HOMER1: variants seen among roughly 807,000 people sequenced by gnomAD.
HOMER1 encodes the protein homer scaffold protein 1, also known as homer protein homolog 1.
Under a neutral mutation model 48.9 loss-of-function variants are expected in HOMER1, and 3 were observed. The observed-to-expected ratio is 0.06, with a 90% CI of 0.03 to 0.16. The LOEUF (loss-of-function observed/expected upper bound fraction) is 0.16, where lower values mean the gene tolerates loss of function less well. HOMER1 is among the 10% of genes least tolerant of loss of function. The pLI, the probability that HOMER1 is intolerant of heterozygous loss-of-function variation, is 1.00. For missense variants in HOMER1, 247 were observed against 411.4 expected (o/e 0.60, Z 3.46); for synonymous variants, 134 against 146.4 (o/e 0.92, Z 0.61).
intron 1 of HOMER1, among the ~76,000 whole-genome samples, chr5:79,490,773 AAAAAAAAC>A (rs956398143): frequency 8.2e-5 from 12 of 146,274 alleles, no homozygotes; most frequent in African/African-American, 3.1e-4. Flanking sequence ...CTCTACCAAA[AAAAAAAAC>A]AAAAAAAAAA....
chr5:79,497,665 A>G (rs80105447), intron 1 of HOMER1, among the ~76,000 whole-genome samples: 2 of 147,602 alleles, frequency 1.4e-5, no homozygotes, highest in Admixed American at 1.3e-4. Flanking sequence ...TCTCAAAGAA[A>G]AAAAAAAAAA....
chr5:79,400,243 C>T (rs1580424784), intron 6 of HOMER1, among the ~76,000 whole-genome samples: 3 of 152,124 alleles, frequency 2.0e-5, no homozygotes, highest in African/African-American at 7.2e-5. Flanking sequence ...ACCCATTAAA[C>T]AACTCTCCTT....
At chr5:79,504,769 T>C (rs1752701960) in intron 1 of HOMER1, among the ~76,000 whole-genome samples, 1 of 152,212 alleles carries the variant, frequency 6.6e-6, no homozygotes. Context: ...AAAATTTACT[T>C]AGAAAAATTA....
At chr5:79,437,145 C>T (rs992006342) in intron 5 of HOMER1, among the ~76,000 whole-genome samples, 2 of 152,140 alleles carry the variant, frequency 1.3e-5, no homozygotes, top group African/African-American at 2.4e-5. Context: ...TTAACAAAAT[C>T]GTAGACATTT....
At chr5:79,417,179 G>C (rs951819711) in intron 5 of HOMER1, among the ~76,000 whole-genome samples, 2 of 147,000 alleles carry the variant, frequency 1.4e-5, no homozygotes, top group Non-Finnish European at 3.0e-5. Context: ...GTCTCGCTCT[G>C]TTGCCCAGGC....
At chr5:79,462,676 A>G (rs1005536119) in intron 1 of HOMER1, among the ~76,000 whole-genome samples, 17 of 152,260 alleles carry the variant, frequency 1.1e-4, no homozygotes, top group Non-Finnish European at 1.8e-4. Flanking sequence ...CAGGAGATAC[A>G]TAAGTTTTGG....
chr5:79,424,069 G>A (rs1483971384), intron 5 of HOMER1, among the ~76,000 whole-genome samples: 2 of 152,004 alleles, frequency 1.3e-5, no homozygotes, highest in Non-Finnish European at 2.9e-5. Flanking sequence ...GGTACAAGAA[G>A]CCCTTCTAAG....
At position 79,439,100 on chromosome 5, in the gene HOMER1, T is replaced by C; in HGVS notation, c.437A>G (p.Asn146Ser). 6.2e-7 allele frequency: 1 copy of C among 1,613,984 alleles called. No individual in the cohort carries two copies. The highest frequency in any genetic ancestry group is 8.5e-7 in the Non-Finnish European group (1 of 1,179,846). ...AGGTGTTCTTTCATCATCTGTCCCG[T>C]TGATACTTTCCGGTGTTAAAGGAGA... ...LQSPLTPESI[N>S]GTDDERTPDV... is the part of the protein sequence containing the mutation. Residue 146 changes from asparagine to serine, a missense_variant, in exon 5 of 9, where the codon AAC becomes AGC. Asn to Ser is a conservative substitution (Grantham distance 46). This residue lies in a region of HOMER1 where 94 missense variants were observed against 112.4 expected (regional missense o/e 0.84). Coordinates refer to ENST00000334082, the MANE Select transcript of HOMER1 (RefSeq NM_004272.5).
At chr5:79,478,558 A>G (rs1426375977) in intron 1 of HOMER1, among the ~76,000 whole-genome samples, 1 of 151,794 alleles carries the variant, frequency 6.6e-6, no homozygotes, top group Admixed American at 6.6e-5. Context: ...ATAAAATACT[A>G]AAGTGTTTGT....
intron 8 of HOMER1, among the ~76,000 whole-genome samples, chr5:79,392,379 C>A (rs1749274763): frequency 6.6e-6 from 1 of 152,044 alleles, no homozygotes; most frequent in Non-Finnish European, 1.5e-5. Context: ...TGATCCCAAC[C>A]TTGTGTAGGC....
At chr5:79,455,371 TGG>T (rs34853458) in intron 2 of HOMER1, among the ~76,000 whole-genome samples, 31,967 of 152,016 alleles carry the variant, frequency 0.21, 3,684 homozygotes, top group East Asian at 0.37. Flanking sequence ...AATTGAATCA[TGG>T]GGGGCAGTTT....
In HOMER1 at chr5:79,378,221, T is replaced by TTAAAAAAA. The variant is rs756900477; in HGVS notation, c.877-2025_877-2024insTTTTTTTA. ...TGGGGTGACAGAGTAAGACTCTGTCTCAAAAAAAAAAAAAAAAAAAGGAAA... is the reference window on the plus strand; with the variant it reads ...TGGGGTGACAGAGTAAGACTCTGTCTTAAAAAAACAAAAAAAAAAAAAAAAAAAGGAAA... On this transcript the variant is annotated intron_variant, in intron 8 of 8. Coordinates refer to ENST00000334082, the MANE Select transcript of HOMER1 (RefSeq NM_004272.5). Among the ~76,000 whole-genome samples, 283 of 97,462 alleles carry TTAAAAAAA rather than the reference T, an allele frequency of 2.9e-3. 15 individuals are homozygous for TTAAAAAAA. The highest frequency in any genetic ancestry group is 0.012 in the African/African-American group (246 of 21,384). 63.9% of individuals were successfully genotyped at this position (97,462 alleles called of 152,430 possible).
At chr5:79,376,474 A>G (rs569564288) in intron 8 of HOMER1, among the ~76,000 whole-genome samples, 1 of 152,316 alleles carries the variant, frequency 6.6e-6, no homozygotes, top group Admixed American at 6.5e-5. Flanking sequence ...AGGTACTTCA[A>G]ATACCAAGAC....
At chr5:79,478,731 C>T (rs1328832787) in intron 1 of HOMER1, among the ~76,000 whole-genome samples, 2 of 151,220 alleles carry the variant, frequency 1.3e-5, no homozygotes, top group Non-Finnish European at 3.0e-5. Flanking sequence ...GCGGGCGGAT[C>T]ACCTGAGGTC....
At chr5:79,456,335 G>C (rs1288899853) in intron 2 of HOMER1, among the ~76,000 whole-genome samples, 1 of 152,150 alleles carries the variant, frequency 6.6e-6, no homozygotes, top group African/African-American at 2.4e-5. Context: ...TGGTGGAGTT[G>C]AGATCTGAAC....
chr5:79,472,485 C>A (rs529640400), intron 1 of HOMER1, among the ~76,000 whole-genome samples: 1 of 152,156 alleles, frequency 6.6e-6, no homozygotes, highest in Non-Finnish European at 1.5e-5. Context: ...AAAAATACTA[C>A]AGAGCCCTAG....
chr5:79,463,697 G>T (rs1041822138), intron 1 of HOMER1, among the ~76,000 whole-genome samples: 1 of 152,122 alleles, frequency 6.6e-6, no homozygotes, highest in South Asian at 2.1e-4. Context: ...GCTACACACT[G>T]GTCATTCATT....
chr5:79,475,236 C>T (rs1330207105), intron 1 of HOMER1, among the ~76,000 whole-genome samples: 1 of 134,258 alleles, frequency 7.4e-6, no homozygotes, highest in African/African-American at 2.8e-5. Context: ...CAGTATATAA[C>T]TGCTCAAGAT....
intron 1 of HOMER1, among the ~76,000 whole-genome samples, chr5:79,488,677 A>C (rs963588002): frequency 6.6e-6 from 1 of 152,242 alleles, no homozygotes; most frequent in African/African-American, 2.4e-5. Flanking sequence ...GTTATTTTAA[A>C]ATGCACTTAT....
Sources: allele counts gnomAD v4.1 joint callset (sites outside exome capture counted in the v4.1 genomes callset), GRCh38; gene constraint gnomAD v4.1.1; regional missense constraint gnomAD v4.1.1; transcripts MANE v1.5; gene names NCBI Gene and HGNC (gene_info 2026-07-23, HGNC 2026-07-21).